The following SOX6 variants were observed in gnomAD, a reference collection of about 807,000 sequenced individuals.
The protein encoded by SOX6 is transcription factor SOX-6.
A neutral mutation model predicts 97.8 loss-of-function variants in SOX6; 11 were observed. That is an observed-to-expected ratio of 0.11 (90% CI 0.07 to 0.19). The LOEUF is 0.19. Ranked by LOEUF, SOX6 falls within the 10% of genes least tolerant of loss-of-function variation. The pLI, the probability that SOX6 is intolerant of heterozygous loss-of-function variation, is 1.00. For synonymous variants in SOX6, 360 were observed against 371.4 expected, an observed-to-expected ratio of 0.97 and a Z score of 0.35; for missense variants, 810 against 1,039.5, an observed-to-expected ratio of 0.78 and a Z score of 3.04.
intron 6 of SOX6, among the ~76,000 whole-genome samples, chr11:16,122,604 A>G (rs1203697634): frequency 6.6e-6 from 1 of 151,960 alleles, no homozygotes; most frequent in Non-Finnish European, 1.5e-5. Context: ...ATTTTATGCA[A>G]CCTTATTCTG....
At chr11:16,074,324 C>A (rs1228417024) in intron 9 of SOX6, among the ~76,000 whole-genome samples, 1 of 151,938 alleles carries the variant, frequency 6.6e-6, no homozygotes, top group African/African-American at 2.4e-5. Context: ...TCTATGCAAA[C>A]AAACTAGAAA....
intron 4 of SOX6, among the ~76,000 whole-genome samples, chr11:16,514,030 A>G (rs1376135088): frequency 6.6e-6 from 1 of 152,028 alleles, no homozygotes; most frequent in Non-Finnish European, 1.5e-5. Context: ...GGGCAACAAC[A>G]GTGAGACCTC....
intron 3 of SOX6, among the ~76,000 whole-genome samples, chr11:16,309,099 T>C (rs539373088): frequency 1.3e-5 from 2 of 152,204 alleles, no homozygotes; most frequent in Non-Finnish European, 2.9e-5. Flanking sequence ...AACTTCTTTG[T>C]GTAATGTTTT....
intron 6 of SOX6, among the ~76,000 whole-genome samples, chr11:16,142,167 G>A (rs962057219): frequency 4.6e-5 from 7 of 152,066 alleles, no homozygotes; most frequent in South Asian, 2.1e-4. Flanking sequence ...CCAGAGGAAC[G>A]ATCAGGCAGC....
rs376334343 is a variant in SOX6 at position 16,167,804 on chromosome 11, C to T, written c.777+16082G>A. The stretch of plus-strand genomic sequence containing the variant: ...ACACACCCTATTTAAAATTGCAGTA[C>T]CTCTTTCCCATTCCCTTTCCTCCTT... On this transcript the variant is annotated intron_variant, in intron 6 of 15. Coordinates refer to ENST00000683767, the MANE Select transcript of SOX6 (RefSeq NM_001367873.1). 5.9e-5 allele frequency among the ~76,000 whole-genome samples: 9 copies of T among 152,286 alleles called. No individual in the cohort carries two copies. In the East Asian group the frequency reaches 7.7e-4, roughly 13 times the overall value.
intron 6 of SOX6, among the ~76,000 whole-genome samples, chr11:16,163,302 T>C (rs1263144614): frequency 6.6e-6 from 1 of 152,168 alleles, no homozygotes; most frequent in South Asian, 2.1e-4. Flanking sequence ...CTGAAAAAAG[T>C]TGAAAGTCAG....
chr11:16,240,281 T>TGC (rs1158711772), intron 3 of SOX6, among the ~76,000 whole-genome samples: 6 of 147,972 alleles, frequency 4.1e-5, no homozygotes, highest in Non-Finnish European at 9.0e-5. Context: ...ATATAGTGTG[T>TGC]GTGTGTGTGT....
intron 12 of SOX6, among the ~76,000 whole-genome samples, chr11:16,016,278 G>A (rs1854879866): frequency 6.6e-6 from 1 of 152,020 alleles, no homozygotes. Flanking sequence ...CAGTCAAATT[G>A]TGCAGGAAGT....
chr11:16,274,866 C>G (rs1347677), intron 3 of SOX6, among the ~76,000 whole-genome samples: 1 of 152,018 alleles, frequency 6.6e-6, no homozygotes, highest in Non-Finnish European at 1.5e-5. Flanking sequence ...GTAACAAATT[C>G]TCACCTTATT....
intron 4 of SOX6, among the ~76,000 whole-genome samples, chr11:16,560,392 T>A (rs542086127): frequency 1.3e-5 from 2 of 151,812 alleles, no homozygotes; most frequent in Non-Finnish European, 2.9e-5. Flanking sequence ...GTATTACATA[T>A]AAATATGTAA....
chr11:16,636,309 T>A (rs1241669684), intron 3 of SOX6, among the ~76,000 whole-genome samples: 4 of 152,176 alleles, frequency 2.6e-5, no homozygotes, highest in Admixed American at 2.0e-4. Flanking sequence ...ATTTTGGAGC[T>A]TTAAGATTTG....
intron 3 of SOX6, among the ~76,000 whole-genome samples, chr11:16,676,053 T>C (rs1847882021): frequency 6.8e-6 from 1 of 147,906 alleles, no homozygotes; most frequent in Non-Finnish European, 1.5e-5. Context: ...ACTCCAACTA[T>C]GCATAACAGT....
intron 1 of SOX6, among the ~76,000 whole-genome samples, chr11:16,386,108 T>C (rs1165788421): frequency 6.6e-6 from 1 of 152,136 alleles, no homozygotes; most frequent in Non-Finnish European, 1.5e-5. Flanking sequence ...TCTGCTTGTA[T>C]TGGTATGCAT....
upstream of SOX6, among the ~76,000 whole-genome samples, chr11:16,480,385 A>G (rs1367857311): frequency 2.0e-5 from 3 of 151,176 alleles, no homozygotes; most frequent in East Asian, 5.8e-4. Context: ...AGCAAAAGCC[A>G]AATATTAATA....
chr11:16,291,348 C>A (rs1392126799), intron 3 of SOX6, among the ~76,000 whole-genome samples: 7 of 125,814 alleles, frequency 5.6e-5, no homozygotes, highest in Non-Finnish European at 9.0e-5. Context: ...TAATATCCTG[C>A]TCAATATAAT....
At chr11:16,669,355 C>T (rs1004872115) in intron 3 of SOX6, among the ~76,000 whole-genome samples, 1 of 152,146 alleles carries the variant, frequency 6.6e-6, no homozygotes, top group African/African-American at 2.4e-5. Flanking sequence ...GACAACAGCC[C>T]ATCCTAGAGC....
At chr11:16,614,005 G>T (rs964965425) in intron 3 of SOX6, among the ~76,000 whole-genome samples, 3 of 152,198 alleles carry the variant, frequency 2.0e-5, no homozygotes, top group African/African-American at 7.2e-5. Flanking sequence ...CGGGCTGACA[G>T]GAGTGAGAGC....
chr11:16,340,906 A>G (rs913916200), intron 2 of SOX6, 106 bp downstream of exon 2: 2 of 1,494,260 alleles, frequency 1.3e-6, no homozygotes, highest in African/African-American at 2.8e-5. Flanking sequence ...TTCATGATCT[A>G]CACAAAAATA....
intron 4 of SOX6, among the ~76,000 whole-genome samples, chr11:16,193,891 TG>T (rs1301241831): frequency 6.6e-6 from 1 of 152,180 alleles, no homozygotes; most frequent in Non-Finnish European, 1.5e-5. Context: ...ACAGATAACC[TG>T]GGAAAACTGC....
Sources: gnomAD v4.1 joint callset for allele counts (sites outside exome capture counted in the v4.1 genomes callset) on GRCh38, gnomAD v4.1.1 for gene constraint, MANE v1.5 for transcripts, NCBI Gene and HGNC (gene_info 2026-07-23, HGNC 2026-07-21) for gene names.